MARCHF1: variants seen among roughly 807,000 people sequenced by gnomAD.
The protein encoded by MARCHF1 is membrane associated ring-CH-type finger 1, also known as E3 ubiquitin-protein ligase MARCHF1.
Under a neutral mutation model 54.2 loss-of-function variants are expected in MARCHF1, and 40 were observed. That is an observed-to-expected ratio of 0.74 (90% CI 0.57 to 0.96). The LOEUF is 0.96. Ranked by LOEUF, MARCHF1 falls within the 40% of genes least tolerant of loss-of-function variation. The pLI, the probability that MARCHF1 is intolerant of heterozygous loss-of-function variation, is 0.00. For missense variants in MARCHF1, 586 were observed against 656.5 expected, an observed-to-expected ratio of 0.89 and a Z score of 1.17; for synonymous variants, 236 against 236.3, an observed-to-expected ratio of 1.00 and a Z score of 0.01.
chr4:163,577,076 A>C (rs1740064739), intron 8 of MARCHF1, among the ~76,000 whole-genome samples: 1 of 151,766 alleles, frequency 6.6e-6, no homozygotes, highest in Non-Finnish European at 1.5e-5. Flanking sequence ...GTTAATGTTG[A>C]TTTGTGAGGT....
chr4:163,872,637 T>C (rs1750192506), intron 3 of MARCHF1, among the ~76,000 whole-genome samples: 1 of 152,210 alleles, frequency 6.6e-6, no homozygotes, highest in Non-Finnish European at 1.5e-5. Context: ...CGTGTTTTAC[T>C]TTCAAGGTAT....
At chr4:163,677,285 G>A (rs1743950641) in intron 5 of MARCHF1, among the ~76,000 whole-genome samples, 1 of 151,566 alleles carries the variant, frequency 6.6e-6, no homozygotes, top group South Asian at 2.1e-4. Context: ...CCCGTTATCA[G>A]AATAAAATCC....
chr4:163,653,785 T>C (rs1416928821), intron 5 of MARCHF1, among the ~76,000 whole-genome samples: 1 of 151,710 alleles, frequency 6.6e-6, no homozygotes, highest in Non-Finnish European at 1.5e-5. Context: ...ATTTTAGAGT[T>C]TGGGTTTGGA....
At chr4:164,321,133 G>A (rs1374777236) in intron 1 of MARCHF1, among the ~76,000 whole-genome samples, 1 of 152,094 alleles carries the variant, frequency 6.6e-6, no homozygotes, top group Non-Finnish European at 1.5e-5. Flanking sequence ...TCCAATAACT[G>A]ACAGAGAGAG....
At chr4:163,536,392 A>G (rs1011854379) in intron 9 of MARCHF1, among the ~76,000 whole-genome samples, 1 of 151,882 alleles carries the variant, frequency 6.6e-6, no homozygotes, top group African/African-American at 2.4e-5. Context: ...CCCTGCTTCT[A>G]TGTGTCTACT....
chr4:164,034,104 T>TAGATAGATAGACAGAC (rs71250061), intron 2 of MARCHF1, among the ~76,000 whole-genome samples: 40 of 141,758 alleles, frequency 2.8e-4, no homozygotes, highest in East Asian at 1.8e-3. Flanking sequence ...GATAGATAGA[T>TAGATAGATAGACAGAC]AGATAGATAG....
chr4:164,236,614 G>T (rs918683887), intron 1 of MARCHF1, among the ~76,000 whole-genome samples: 1 of 152,080 alleles, frequency 6.6e-6, no homozygotes, highest in Non-Finnish European at 1.5e-5. Flanking sequence ...ACCTAAGCTG[G>T]GAACATGTGC....
chr4:163,804,334 G>A lies in MARCHF1; in HGVS notation c.111+49687C>T, dbSNP rs560926876. ...CTACAGCACTGGCTTTCTAAATGTG[G>A]TTCTCAAAACAGCATTAATATCATA... On this transcript the variant is annotated intron_variant, in intron 4 of 9. Coordinates refer to ENST00000514618, the MANE Select transcript of MARCHF1 (RefSeq NM_001394959.1). Among the ~76,000 whole-genome samples the A allele has an allele frequency of 2.6e-5, 4 of 152,252 alleles. No homozygotes were observed. In the East Asian group the frequency reaches 7.7e-4, roughly 29 times the overall value.
chr4:163,622,165 G>T (rs886889322), intron 5 of MARCHF1, among the ~76,000 whole-genome samples: 12 of 151,966 alleles, frequency 7.9e-5, no homozygotes, highest in African/African-American at 2.7e-4. Flanking sequence ...CTTTATAACA[G>T]AAAGCCACAG....
At chr4:163,623,460 A>T (rs1244513221) in intron 5 of MARCHF1, among the ~76,000 whole-genome samples, 1 of 152,184 alleles carries the variant, frequency 6.6e-6, no homozygotes, top group Non-Finnish European at 1.5e-5. Context: ...CCTACATTGT[A>T]TGAGTGCCAC....
At chr4:164,242,552 ACTCTAAAAAG>A (rs1560970045) in intron 1 of MARCHF1, among the ~76,000 whole-genome samples, 1 of 151,894 alleles carries the variant, frequency 6.6e-6, no homozygotes, top group Non-Finnish European at 1.5e-5. Flanking sequence ...AAAACTGGAA[ACTCTAAAAAG>A]CAGAGCGCCT....
chr4:163,775,854 AAGAG>A (rs1158463731), intron 4 of MARCHF1, among the ~76,000 whole-genome samples: 1 of 152,116 alleles, frequency 6.6e-6, no homozygotes, highest in African/African-American at 2.4e-5. Flanking sequence ...GATGGTCAAG[AAGAG>A]AGAGAGGATT....
intron 1 of MARCHF1, among the ~76,000 whole-genome samples, chr4:164,363,765 C>CTGTGTGTGTGTG (rs1730794200): frequency 2.7e-5 from 2 of 72,730 alleles, no homozygotes; most frequent in Non-Finnish European, 6.4e-5. Flanking sequence ...TATTAATAAG[C>CTGTGTGTGTGTG]CGTGTGTGTG....
chr4:164,362,535 T>G (rs1407398292), intron 1 of MARCHF1, among the ~76,000 whole-genome samples: 2 of 152,262 alleles, frequency 1.3e-5, no homozygotes, highest in East Asian at 3.9e-4. Context: ...CAAGGCTAAT[T>G]GGACTAGAAA....
Position 163,829,566 on chromosome 4 carries a change from G to A in MARCHF1, c.111+24455C>T, listed in dbSNP as rs534640915. On this transcript the variant is annotated intron_variant, in intron 4 of 9. Coordinates refer to ENST00000514618, the MANE Select transcript of MARCHF1 (RefSeq NM_001394959.1). Reference sequence around the variant, plus strand: ...CTTACTGCTCTTTCAGCACCACACAGTATCCCTCTCCCTGAATTTCTACAG... The same window carrying A: ...CTTACTGCTCTTTCAGCACCACACAATATCCCTCTCCCTGAATTTCTACAG... Among the ~76,000 whole-genome samples the A allele has an allele frequency of 1.1e-4, 17 of 152,220 alleles. No homozygotes were observed. In the East Asian group the frequency reaches 3.3e-3, roughly 29 times the overall value.
rs1268029837 is a variant in MARCHF1, at chr4:164,103,993, G to A, written c.-248+7595C>T. Among the ~76,000 whole-genome samples the A allele has an allele frequency of 5.5e-3, 679 of 124,310 alleles. 9 individuals carry two copies. The highest frequency in any genetic ancestry group is 0.014 in the African/African-American group (482 of 34,674). The allele number at this position is 124,310 out of a possible 152,430, so 81.6% of individuals were successfully genotyped here. ...CAGGGAATACTACAAACACCTCTACGCAAATAAACTAGAAAATCTAGAAGA... is the reference window on the plus strand; with the variant it reads ...CAGGGAATACTACAAACACCTCTACACAAATAAACTAGAAAATCTAGAAGA... On this transcript the variant is annotated intron_variant, in intron 2 of 9. Coordinates refer to ENST00000514618, the MANE Select transcript of MARCHF1 (RefSeq NM_001394959.1).
intron 3 of MARCHF1, among the ~76,000 whole-genome samples, chr4:163,979,930 T>C (rs1396558163): frequency 6.6e-6 from 1 of 152,170 alleles, no homozygotes. Flanking sequence ...TAGCCCTTTG[T>C]CAGATGAGTA....
chr4:163,635,407 G>A (rs1001819444), intron 5 of MARCHF1, among the ~76,000 whole-genome samples: 8 of 150,436 alleles, frequency 5.3e-5, no homozygotes, highest in Non-Finnish European at 7.4e-5. Context: ...AATGATAAAG[G>A]GGATATCACC....
chr4:164,382,813 AAG>A (rs1479105952), intron 1 of MARCHF1, among the ~76,000 whole-genome samples: 2 of 152,316 alleles, frequency 1.3e-5, no homozygotes, highest in East Asian at 3.9e-4. Context: ...ACTCTAAACT[AAG>A]GTACCTGAGC....
Sources: allele counts gnomAD v4.1 joint callset (sites outside exome capture counted in the v4.1 genomes callset), GRCh38; gene constraint gnomAD v4.1.1; transcripts MANE v1.5; gene names NCBI Gene and HGNC (gene_info 2026-07-23, HGNC 2026-07-21).